PAG1: variants seen among roughly 807,000 people sequenced by gnomAD.
The protein encoded by PAG1 is phosphoprotein associated with glycosphingolipid-enriched microdomains 1.
Under a neutral mutation model 31.7 loss-of-function variants are expected in PAG1, and 23 were observed. That is an observed-to-expected ratio of 0.73 (90% CI 0.52 to 1.03). The LOEUF is 1.03. Among genes scored for constraint, PAG1 ranks in the 50% least tolerant of loss-of-function variants. The probability of loss-of-function intolerance (pLI) is 0.00; values close to 1 mark genes in which losing one functional copy is unlikely to be tolerated. For synonymous variants in PAG1, 214 were observed against 210.3 expected, an observed-to-expected ratio of 1.02 and a Z score of -0.15; for missense variants, 473 against 540.7, an observed-to-expected ratio of 0.87 and a Z score of 1.24.
chr8:81,062,245 T>C (rs907974438), intron 2 of PAG1, among the ~76,000 whole-genome samples: 2 of 152,222 alleles, frequency 1.3e-5, no homozygotes, highest in African/African-American at 4.8e-5. Context: ...TAAAAGTAAA[T>C]GGAAGTTCTT....
intron 2 of PAG1, among the ~76,000 whole-genome samples, chr8:81,062,555 T>C (rs1465074772): frequency 1.3e-5 from 2 of 152,210 alleles, no homozygotes; most frequent in Admixed American, 1.3e-4. Flanking sequence ...ATTTTTCACA[T>C]AAATCTCAAT....
At chr8:81,033,206 A>C (rs1808403580) in intron 2 of PAG1, among the ~76,000 whole-genome samples, 1 of 152,124 alleles carries the variant, frequency 6.6e-6, no homozygotes, top group Admixed American at 6.5e-5. Context: ...GTCATTTTTC[A>C]GATCAGTCTT....
rs1807118442 is a variant in PAG1, at chr8:80,973,455, C to CA, written c.*3088dup. The CA allele has an allele frequency of 6.6e-6, 1 of 152,066 alleles. No individual in the cohort carries two copies. The highest frequency in any genetic ancestry group is 2.1e-4 in the South Asian group (1 of 4,828). 9.4% of individuals were successfully genotyped at this position (152,066 alleles called of 1,614,324 possible). On this transcript the variant is annotated 3_prime_UTR_variant, in exon 9 of 9. Transcript: ENST00000220597. Reference sequence around the variant, plus strand: ...ACTTAAGAAATACCAAAGTAGCATACAAAATGCTTCTAAACTTTCAAAATA... The same window carrying CA: ...ACTTAAGAAATACCAAAGTAGCATACAAAAATGCTTCTAAACTTTCAAAATA...
intron 1 of PAG1, among the ~76,000 whole-genome samples, chr8:81,074,054 T>C (rs924832757): frequency 6.6e-6 from 1 of 152,126 alleles, no homozygotes; most frequent in African/African-American, 2.4e-5. Context: ...TGCAGACATG[T>C]GGGCAGATCC....
At chr8:81,042,652 G>C (rs67470260) in intron 2 of PAG1, among the ~76,000 whole-genome samples, 1 of 151,992 alleles carries the variant, frequency 6.6e-6, no homozygotes, top group Admixed American at 6.6e-5. Context: ...AAGAGAAAGG[G>C]GGGTGAGGAA....
Position 80,969,565 on chromosome 8 carries a change from G to C in PAG1, c.*6979C>G, listed in dbSNP as rs1205474551. On this transcript the variant is annotated 3_prime_UTR_variant, in exon 9 of 9. Transcript: ENST00000220597. ...CAAACCAGGACATGACAACAAGATA[G>C]TTCTGAACTGTAGGCTCTAGGGAGC... 6.6e-6 allele frequency: 1 copy of C among 152,190 alleles called. No individual in the cohort carries two copies. Among genetic ancestry groups the C allele is most frequent in the East Asian group, 1.9e-4 (1 of 5,204 alleles). 9.4% of individuals were successfully genotyped at this position (152,190 alleles called of 1,614,324 possible). A position where few individuals can be genotyped will look rare whatever the true frequency, so the allele number is the denominator to read the frequency against.
intron 2 of PAG1, among the ~76,000 whole-genome samples, chr8:81,045,350 T>G (rs1295241097): frequency 2.0e-5 from 3 of 152,194 alleles, no homozygotes. Flanking sequence ...ACTTAGAAAC[T>G]AGATTTTGCC....
At chr8:81,074,109 G>T (rs1353371182) in intron 1 of PAG1, among the ~76,000 whole-genome samples, 1 of 152,206 alleles carries the variant, frequency 6.6e-6, no homozygotes, top group African/African-American at 2.4e-5. Context: ...GATGGAGAGG[G>T]AGGTATTTGA....
chr8:80,986,444 A>G (rs1386395114), intron 6 of PAG1, among the ~76,000 whole-genome samples: 1 of 152,182 alleles, frequency 6.6e-6, no homozygotes, highest in Non-Finnish European at 1.5e-5. Flanking sequence ...TAAAGCATGA[A>G]GGAAACCTAG....
chr8:81,072,057 C>T (rs1040316555), intron 1 of PAG1, among the ~76,000 whole-genome samples: 1 of 152,198 alleles, frequency 6.6e-6, no homozygotes, highest in Non-Finnish European at 1.5e-5. Context: ...GAGATGTGTG[C>T]TCCTTCAGCT....
At chr8:80,999,481 T>A (rs1208368331) in intron 3 of PAG1, among the ~76,000 whole-genome samples, 1 of 152,166 alleles carries the variant, frequency 6.6e-6, no homozygotes, top group African/African-American at 2.4e-5. Flanking sequence ...TGAGTGTAGA[T>A]GAAAGAAACC....
At chr8:81,040,206 A>T (rs553656494) in intron 2 of PAG1, among the ~76,000 whole-genome samples, 1 of 152,218 alleles carries the variant, frequency 6.6e-6, no homozygotes, top group African/African-American at 2.4e-5. Flanking sequence ...TTTAGTACTT[A>T]TGTATATTTC....
intron 1 of PAG1, among the ~76,000 whole-genome samples, chr8:81,081,721 T>C (rs1412431151): frequency 1.3e-5 from 2 of 152,206 alleles, no homozygotes; most frequent in African/African-American, 2.4e-5. Flanking sequence ...AGCATGGCTC[T>C]CTGGAGATGC....
At chr8:80,986,770 C>T (rs1807431900) in intron 6 of PAG1, among the ~76,000 whole-genome samples, 1 of 142,288 alleles carries the variant, frequency 7.0e-6, no homozygotes, top group Non-Finnish European at 1.5e-5. Flanking sequence ...TCCAGGTGGG[C>T]CCAGTGTAAT....
At chr8:81,026,702 G>C (rs1024357562) in intron 3 of PAG1, among the ~76,000 whole-genome samples, 2 of 152,082 alleles carry the variant, frequency 1.3e-5, no homozygotes, top group African/African-American at 4.8e-5. Flanking sequence ...AGGCATGGCT[G>C]CTGAGTCACA....
intron 2 of PAG1, among the ~76,000 whole-genome samples, chr8:81,036,611 G>A (rs1808465427): frequency 6.6e-6 from 1 of 152,180 alleles, no homozygotes; most frequent in Admixed American, 6.5e-5. Flanking sequence ...ATGCATATGG[G>A]CTATGATGCA....
chr8:80,989,525 CTG>C (rs1807494916), intron 5 of PAG1, among the ~76,000 whole-genome samples: 1 of 152,156 alleles, frequency 6.6e-6, no homozygotes, highest in African/African-American at 2.4e-5. Flanking sequence ...GCATGCGTTC[CTG>C]TGTGTGCTCG....
At chr8:81,051,778 A>T (rs1808732651) in intron 2 of PAG1, among the ~76,000 whole-genome samples, 1 of 152,194 alleles carries the variant, frequency 6.6e-6, no homozygotes, top group Admixed American at 6.5e-5. Context: ...TGCCATTTTC[A>T]GTTACGTAAA....
rs1807741032 is a variant in PAG1 at position 80,999,172 on chromosome 8, T to C, written c.-80-5865A>G. Among the ~76,000 whole-genome samples the C allele has an allele frequency of 4.6e-5, 7 of 152,212 alleles. No individual in the cohort carries two copies. In the South Asian group the frequency reaches 1.4e-3, roughly 32 times the overall value. ...TCTTCCGTTCAGGTTACAGGGACTG[T>C]GCTACAGAAAAGCCTGCCACACTGA... On this transcript the variant is annotated intron_variant, in intron 3 of 8. Coordinates refer to ENST00000220597, the MANE Select transcript of PAG1 (RefSeq NM_018440.4).
Sources: gnomAD v4.1 joint callset for allele counts (sites outside exome capture counted in the v4.1 genomes callset) on GRCh38, gnomAD v4.1.1 for gene constraint, MANE v1.5 for transcripts, NCBI Gene and HGNC (gene_info 2026-07-23, HGNC 2026-07-21) for gene names.